SLC30A8: variants seen among roughly 807,000 people sequenced by gnomAD.
SLC30A8 encodes the protein proton-coupled zinc antiporter SLC30A8.
In SLC30A8, 27 loss-of-function variants were observed where a neutral mutation model predicts 36.9. The ratio of observed to expected loss-of-function variants is 0.73; its 90% CI spans 0.54 to 1.01. The LOEUF is 1.01. Among genes scored for constraint, SLC30A8 ranks in the 50% least tolerant of loss-of-function variants. The probability of loss-of-function intolerance (pLI) is 0.00; values close to 1 mark genes in which losing one functional copy is unlikely to be tolerated. For synonymous variants in SLC30A8, 164 were observed against 172.4 expected, an observed-to-expected ratio of 0.95 and a Z score of 0.38; for missense variants, 439 against 452.0, an observed-to-expected ratio of 0.97 and a Z score of 0.26.
At position 117,173,109 on chromosome 8, in the gene SLC30A8, A is replaced by T. The variant is rs1425207428; in HGVS notation, c.*428A>T. ...AACATTAGAAACAAAAAATAAGGAG[A>T]GCCAAGTCAGGAATAAAAGTGACTC... On this transcript the variant is annotated 3_prime_UTR_variant, in exon 8 of 8. Coordinates refer to ENST00000456015, the MANE Select transcript of SLC30A8 (RefSeq NM_173851.3). The T allele has an allele frequency of 1.8e-5, 3 of 165,682 alleles. No individual in the cohort carries two copies. Among genetic ancestry groups the T allele is most frequent in the African/African-American group, 7.2e-5 (3 of 41,630 alleles). 10.3% of individuals were successfully genotyped at this position (165,682 alleles called of 1,614,324 possible).
At chr8:117,078,517 A>G (rs888793328) in intron 2 of SLC30A8, among the ~76,000 whole-genome samples, 9 of 151,550 alleles carry the variant, frequency 5.9e-5, no homozygotes, top group African/African-American at 9.7e-5. Flanking sequence ...GCATGTAGCT[A>G]CTTTCTAGAT....
At chr8:117,018,675 CT>C (rs34426153) in intron 1 of SLC30A8, among the ~76,000 whole-genome samples, 50 of 105,346 alleles carry the variant, frequency 4.7e-4, no homozygotes, top group Non-Finnish European at 7.4e-4. Context: ...CCCCCCCCCC[CT>C]TTTTTTTTTT....
intron 1 of SLC30A8, among the ~76,000 whole-genome samples, chr8:117,029,899 G>A (rs1035165792): frequency 6.6e-6 from 1 of 152,176 alleles, no homozygotes; most frequent in Admixed American, 6.5e-5. Flanking sequence ...CAATGAAGAT[G>A]ATTTTCCAAA....
chr8:117,091,181 C>T (rs1052240807), intron 2 of SLC30A8, among the ~76,000 whole-genome samples: 4 of 152,120 alleles, frequency 2.6e-5, no homozygotes, highest in African/African-American at 4.8e-5. Context: ...CATGGTGTAA[C>T]ACCCCTAACT....
chr8:117,173,045 A>G lies in SLC30A8; in HGVS notation c.*364A>G, dbSNP rs1823471906. The G allele has an allele frequency of 5.1e-6, 1 of 195,046 alleles. No homozygotes were observed. The allele number at this position is 195,046 out of a possible 1,614,324, so 12.1% of individuals were successfully genotyped here. A position where few individuals can be genotyped will look rare whatever the true frequency, so the allele number is the denominator to read the frequency against. On this transcript the variant is annotated 3_prime_UTR_variant, in exon 8 of 8. Coordinates refer to ENST00000456015, the MANE Select transcript of SLC30A8 (RefSeq NM_173851.3). ...TTGAACTCAGGAAAGTCTTACTAGA[A>G]ATCAGTGGAAGGGACAAATAGTCAC... is the stretch of plus-strand genomic sequence containing the variant.
chr8:117,041,091 C>A (rs1285491960), intron 2 of SLC30A8, among the ~76,000 whole-genome samples: 1 of 152,146 alleles, frequency 6.6e-6, no homozygotes, highest in Non-Finnish European at 1.5e-5. Flanking sequence ...GGTGCCAAAC[C>A]AAACAGTTTG....
chr8:117,145,631 A>T (rs1336247998), intron 1 of SLC30A8, among the ~76,000 whole-genome samples: 1 of 152,138 alleles, frequency 6.6e-6, no homozygotes, highest in East Asian at 1.9e-4. Flanking sequence ...GTTTATTTTT[A>T]AAAATTTAAA....
At chr8:117,033,474 G>A (rs1817118184) in intron 1 of SLC30A8, among the ~76,000 whole-genome samples, 2 of 152,194 alleles carry the variant, frequency 1.3e-5, no homozygotes, top group Admixed American at 6.5e-5. Context: ...AAGGATAACA[G>A]GAAATGAGGA....
chr8:117,163,540 A>G lies in SLC30A8; in HGVS notation c.829+10A>G. 1.3e-6 allele frequency: 2 copies of G among 1,582,500 alleles called. No homozygotes were observed. Among genetic ancestry groups the G allele is most frequent in the African/African-American group, 1.3e-5 (1 of 74,184 alleles). On this transcript the variant is annotated intron_variant, in intron 6 of 7. Coordinates refer to ENST00000456015, the MANE Select transcript of SLC30A8 (RefSeq NM_173851.3). ...ATCTTACTCATGGAAGGTAGGAGTGATTTTATTATTACTCCCAGAGTCAGT... is the reference window on the plus strand; with the variant it reads ...ATCTTACTCATGGAAGGTAGGAGTGGTTTTATTATTACTCCCAGAGTCAGT...
At chr8:117,070,558 C>A (rs529066719) in intron 2 of SLC30A8, among the ~76,000 whole-genome samples, 1 of 152,288 alleles carries the variant, frequency 6.6e-6, no homozygotes, top group Admixed American at 6.5e-5. Flanking sequence ...ATATCCATCA[C>A]CTTGCTTACC....
At chr8:116,976,826 T>TTTCTTTTCTTTTCTTTTCTTTTCTTTTC (rs1815042078) in intron 1 of SLC30A8, among the ~76,000 whole-genome samples, 1 of 141,946 alleles carries the variant, frequency 7.0e-6, no homozygotes, top group African/African-American at 2.9e-5. Context: ...TTCTTTCTTT[T>TTTCTTTTCTTTTCTTTTCTTTTCTTTTC]TTTTTTTTTT....
intron 1 of SLC30A8, among the ~76,000 whole-genome samples, chr8:116,986,437 G>A (rs1222164776): frequency 6.6e-6 from 1 of 152,158 alleles, no homozygotes; most frequent in Non-Finnish European, 1.5e-5. Context: ...CTGATGAGCA[G>A]GCAATAGGGT....
Position 117,005,946 on chromosome 8 carries a change from T to C in SLC30A8, c.-265-33273T>C, listed in dbSNP as rs183611672. Among the ~76,000 whole-genome samples, 12 of 152,336 alleles carry C rather than the reference T, an allele frequency of 7.9e-5. No individual in the cohort carries two copies. In the East Asian group the frequency reaches 2.3e-3, roughly 29 times the overall value. Reference sequence around the variant, plus strand: ...TAAAACAACCTCAGAAAGTAAGTATTATTAGTTGTAACTTAAAAGTGAGCA... The same window carrying C: ...TAAAACAACCTCAGAAAGTAAGTATCATTAGTTGTAACTTAAAAGTGAGCA... On this transcript the variant is annotated intron_variant, in intron 1 of 10. Coordinates refer to the SLC30A8 transcript ENST00000427715.
At chr8:117,110,390 A>C (rs1820174660) in intron 2 of SLC30A8, among the ~76,000 whole-genome samples, 1 of 152,186 alleles carries the variant, frequency 6.6e-6, no homozygotes. Context: ...GAAGATAAAA[A>C]GAGCCAAGGA....
At chr8:117,152,552 G>T (rs751221777) in intron 2 of SLC30A8, among the ~76,000 whole-genome samples, 18 of 152,150 alleles carry the variant, frequency 1.2e-4, no homozygotes, top group Non-Finnish European at 2.2e-4. Flanking sequence ...GCAACATCTA[G>T]TTTATAAACA....
At chr8:117,024,401 A>G (rs959819491) in intron 1 of SLC30A8, among the ~76,000 whole-genome samples, 2 of 152,132 alleles carry the variant, frequency 1.3e-5, no homozygotes, top group South Asian at 2.1e-4. Flanking sequence ...TGCAAATTCT[A>G]TTTCTTCCAC....
chr8:117,135,127 C>G lies in SLC30A8; in HGVS notation c.-201C>G, dbSNP rs1473513307. The G allele has an allele frequency of 1.2e-5, 5 of 410,702 alleles. No homozygotes were observed. The East Asian group carries it at 1.8e-4, about 15-fold the overall frequency. 25.4% of individuals were successfully genotyped at this position (410,702 alleles called of 1,614,324 possible). On this transcript the variant is annotated 5_prime_UTR_variant, in exon 1 of 8. Coordinates refer to ENST00000456015, the MANE Select transcript of SLC30A8 (RefSeq NM_173851.3). ...GTTTTTGTAGGTGAAAACAATGAAG[C>G]CAGGTAATATTGCAAGGAGGCTGTA...
intron 1 of SLC30A8, among the ~76,000 whole-genome samples, chr8:116,961,528 GAAAT>G (rs1274841101): frequency 2.0e-5 from 3 of 152,028 alleles, no homozygotes; most frequent in African/African-American, 7.2e-5. Context: ...TGGACAAAGA[GAAAT>G]AAAACTGCAG....
At chr8:117,151,143 T>G (rs1822165071) in intron 2 of SLC30A8, among the ~76,000 whole-genome samples, 1 of 152,196 alleles carries the variant, frequency 6.6e-6, no homozygotes, top group South Asian at 2.1e-4. Context: ...CGTGCTTTTA[T>G]CTCTTCCTGA....
Sources: gnomAD v4.1 joint callset for allele counts (sites outside exome capture counted in the v4.1 genomes callset) on GRCh38, gnomAD v4.1.1 for gene constraint, MANE v1.5 for transcripts, NCBI Gene and HGNC (gene_info 2026-07-23, HGNC 2026-07-21) for gene names.